AKIRIN2: variants seen among roughly 807,000 people sequenced by gnomAD.
AKIRIN2 encodes the protein akirin 2.
Under a neutral mutation model 29.3 loss-of-function variants are expected in AKIRIN2, and 6 were observed. The ratio of observed to expected loss-of-function variants is 0.20; its 90% confidence interval spans 0.11 to 0.40. The LOEUF (loss-of-function observed/expected upper bound fraction) is 0.40, where lower values mean the gene tolerates loss of function less well. AKIRIN2 is among the 10% of genes least tolerant of loss of function. The pLI is 1.00. For synonymous variants in AKIRIN2, 128 were observed against 117.5 expected, an observed-to-expected ratio of 1.09 and a Z score of -0.58; for missense variants, 210 against 276.1, an observed-to-expected ratio of 0.76 and a Z score of 1.70.
intron 1 of AKIRIN2, among the ~76,000 whole-genome samples, chr6:87,686,524 A>G (rs1771191021): frequency 6.6e-6 from 1 of 152,086 alleles, no homozygotes; most frequent in Non-Finnish European, 1.5e-5. Context: ...AAAATCTGAC[A>G]TGTGAAACTA....
intron 1 of AKIRIN2, among the ~76,000 whole-genome samples, chr6:87,693,789 C>A (rs190344475): frequency 2.7e-5 from 4 of 150,724 alleles, no homozygotes; most frequent in African/African-American, 9.8e-5. Context: ...CACACATGTA[C>A]AACTAATTAC....
rs572361569 is a variant in AKIRIN2 at position 87,678,370 on chromosome 6, C to T, written c.380-403G>A. ...TAAAAAAATTAGCCAGGCATGGTGG[C>T]GGGCACCTGTAATCCCAGCTACTCG... On this transcript the variant is annotated intron_variant, in intron 2 of 4. Transcript: ENST00000257787. Among the ~76,000 whole-genome samples, 6 of 151,920 alleles carry T rather than the reference C, an allele frequency of 3.9e-5. No homozygotes were observed. In the East Asian group the frequency reaches 5.8e-4, roughly 15 times the overall value.
In AKIRIN2 at chr6:87,687,450, A is replaced by AAC. The variant is rs71887461; in HGVS notation, c.236-5688_236-5687insGT. ...GCAAAATTCCGTTTCAAAAAAAAAA[A>AAC]AAAAAACACACTACTTGGAGTTGCT... is the stretch of plus-strand genomic sequence containing the variant. On this transcript the variant is annotated intron_variant, in intron 1 of 4. Coordinates refer to ENST00000257787, the MANE Select transcript of AKIRIN2 (RefSeq NM_018064.4). 2.7e-3 allele frequency among the ~76,000 whole-genome samples: 402 copies of AAC among 151,362 alleles called. 8 individuals carry two copies. Among genetic ancestry groups the AAC allele is most frequent in the African/African-American group, 9.1e-3 (373 of 41,168 alleles).
chr6:87,681,066 C>T (rs1771111867), intron 2 of AKIRIN2, among the ~76,000 whole-genome samples: 1 of 151,854 alleles, frequency 6.6e-6, no homozygotes, highest in Non-Finnish European at 1.5e-5. Context: ...GAGACAAAGT[C>T]TCACTCTGTC....
chr6:87,683,838 G>A (rs543717868), intron 1 of AKIRIN2, among the ~76,000 whole-genome samples: 11 of 152,104 alleles, frequency 7.2e-5, no homozygotes, highest in Non-Finnish European at 1.6e-4. Context: ...TTTTGGTAGA[G>A]ACAGGGTTTC....
At position 87,701,793 on chromosome 6, in the gene AKIRIN2, C is replaced by T. The variant is rs1458131634; in HGVS notation, c.-109G>A. 1 of 788,208 alleles carries T rather than the reference C, an allele frequency of 1.3e-6. No individual in the cohort carries two copies. 48.8% of individuals were successfully genotyped at this position (788,208 alleles called of 1,614,324 possible). A position where few individuals can be genotyped will look rare whatever the true frequency, so the allele number is the denominator to read the frequency against. On this transcript the variant is annotated 5_prime_UTR_variant, in exon 1 of 5. Transcript: ENST00000257787. ...GGGAACTCGAGGAGAGCCTACCCGACGGGCTCAGGAGCCAAGCGGGTCGCG... is the reference window on the plus strand; with the variant it reads ...GGGAACTCGAGGAGAGCCTACCCGATGGGCTCAGGAGCCAAGCGGGTCGCG...
chr6:87,700,972 T>A (rs1234661332), intron 1 of AKIRIN2: 1 of 124,026 alleles, frequency 8.1e-6, no homozygotes, highest in Non-Finnish European at 1.6e-5. Context: ...ATCAGCCGTG[T>A]CTGAACTGAA....
chr6:87,684,117 T>G (rs763568657), intron 1 of AKIRIN2, among the ~76,000 whole-genome samples: 1 of 152,210 alleles, frequency 6.6e-6, no homozygotes, highest in African/African-American at 2.4e-5. Flanking sequence ...AATATTTATC[T>G]TTTGTGTGAC....
chr6:87,701,730 G>T lies in AKIRIN2; in HGVS notation c.-46C>A. 1.5e-6 allele frequency: 2 copies of T among 1,335,834 alleles called. No homozygotes were observed. Among genetic ancestry groups the T allele is most frequent in the Non-Finnish European group, 2.0e-6 (2 of 1,017,804 alleles). 82.7% of individuals were successfully genotyped at this position (1,335,834 alleles called of 1,614,324 possible). A position where few individuals can be genotyped will look rare whatever the true frequency, so the allele number is the denominator to read the frequency against. On this transcript the variant is annotated 5_prime_UTR_variant, in exon 1 of 5. Coordinates refer to ENST00000257787, the MANE Select transcript of AKIRIN2 (RefSeq NM_018064.4). ...CCGGGCTCGGGTGGGGTCGGGGACG[G>T]GTGACGAAAGAAGAGGGTGAGGGAA...
At chr6:87,698,058 G>C (rs2128303069) in intron 1 of AKIRIN2, among the ~76,000 whole-genome samples, 1 of 152,250 alleles carries the variant, frequency 6.6e-6, no homozygotes, top group Middle Eastern at 3.4e-3. Flanking sequence ...GTAGTATTAT[G>C]AGATGTTTCA....
chr6:87,695,949 G>A (rs1015868892), intron 1 of AKIRIN2, among the ~76,000 whole-genome samples: 15 of 152,114 alleles, frequency 9.9e-5, no homozygotes, highest in African/African-American at 2.9e-4. Context: ...AGGCTGAAGC[G>A]GGCAGATTGC....
chr6:87,684,582 CTACA>C (rs1380133901), intron 1 of AKIRIN2, among the ~76,000 whole-genome samples: 1 of 152,228 alleles, frequency 6.6e-6, no homozygotes, highest in Non-Finnish European at 1.5e-5. Context: ...TCTGCTATTA[CTACA>C]TAGTTTTGCC....
intron 1 of AKIRIN2, among the ~76,000 whole-genome samples, chr6:87,694,961 G>A (rs1434706197): frequency 6.6e-6 from 1 of 151,968 alleles, no homozygotes; most frequent in Non-Finnish European, 1.5e-5. Flanking sequence ...TTACCTGCAG[G>A]GATTCCCTGC....
chr6:87,698,222 G>A (rs1771401796), intron 1 of AKIRIN2, among the ~76,000 whole-genome samples: 5 of 151,978 alleles, frequency 3.3e-5, no homozygotes, highest in Admixed American at 2.6e-4. Flanking sequence ...TCCATACCCA[G>A]GGGTATTATA....
chr6:87,701,917 G>A lies in AKIRIN2; in HGVS notation c.-233C>T, dbSNP rs553454964. 1.2e-3 allele frequency: 480 copies of A among 413,158 alleles called. 2 individuals are homozygous for A. Among genetic ancestry groups the A allele is most frequent in the African/African-American group, 9.1e-3 (445 of 48,774 alleles). The allele number at this position is 413,158 out of a possible 1,614,324, so 25.6% of individuals were successfully genotyped here. A position where few individuals can be genotyped will look rare whatever the true frequency, so the allele number is the denominator to read the frequency against. On this transcript the variant is annotated 5_prime_UTR_variant, in exon 1 of 5. Coordinates refer to ENST00000257787, the MANE Select transcript of AKIRIN2 (RefSeq NM_018064.4). ...GGGTGAGAGCGGGAGGGGCGGTGGC[G>A]GGCAGAAGCACACGCCAGTCGCGTC...
chr6:87,696,749 T>A (rs901556376), intron 1 of AKIRIN2, among the ~76,000 whole-genome samples: 3 of 147,668 alleles, frequency 2.0e-5, no homozygotes, highest in African/African-American at 7.5e-5. Context: ...GGCTCACGCC[T>A]GTAATCCCAG....
At chr6:87,680,926 G>A (rs1771110254) in intron 2 of AKIRIN2, among the ~76,000 whole-genome samples, 1 of 152,040 alleles carries the variant, frequency 6.6e-6, no homozygotes, top group Admixed American at 6.5e-5. Flanking sequence ...TATGTATACA[G>A]GGATAGTTCT....
chr6:87,688,714 A>G (rs982715138), intron 1 of AKIRIN2, among the ~76,000 whole-genome samples: 1 of 152,162 alleles, frequency 6.6e-6, no homozygotes, highest in African/African-American at 2.4e-5. Flanking sequence ...GATTAAGCCA[A>G]TGCACTCCAG....
intron 1 of AKIRIN2, among the ~76,000 whole-genome samples, chr6:87,691,946 C>A (rs1057419361): frequency 7.9e-5 from 12 of 152,112 alleles, no homozygotes; most frequent in African/African-American, 2.9e-4. Flanking sequence ...ATGTTTTGTT[C>A]TTTTACTTTC....
Sources: gnomAD v4.1 joint callset for allele counts (sites outside exome capture counted in the v4.1 genomes callset) on GRCh38, gnomAD v4.1.1 for gene constraint, MANE v1.5 for transcripts, NCBI Gene and HGNC (gene_info 2026-07-23, HGNC 2026-07-21) for gene names.